SMTN: variants seen among roughly 807,000 people sequenced by gnomAD.
The protein encoded by SMTN is smoothelin.
Under a neutral mutation model 102.0 loss-of-function variants are expected in SMTN, and 58 were observed. The observed-to-expected ratio is 0.57, with a 90% CI of 0.46 to 0.71. The LOEUF is 0.71. Ranked by LOEUF, SMTN falls within the 30% of genes least tolerant of loss-of-function variation. The probability of loss-of-function intolerance (pLI) is 0.00; values close to 1 mark genes in which losing one functional copy is unlikely to be tolerated. For missense variants in SMTN, 1,185 were observed against 1,241.7 expected (o/e 0.95, Z 0.69); for synonymous variants, 478 against 497.9 (o/e 0.96, Z 0.53).
intron 11 of SMTN, 78 bp downstream of exon 11, chr22:31,091,925 G>T (rs2043170522): frequency 3.8e-6 from 5 of 1,325,554 alleles, no homozygotes; most frequent in East Asian, 2.6e-5. Flanking sequence ...GGCTAGCAGG[G>T]TTCCTCTGCT....
intron 2 of SMTN, chr22:31,084,878 GCCGGC>G: frequency 9.3e-7 from 1 of 1,077,358 alleles, no homozygotes; most frequent in Non-Finnish European, 1.2e-6. Flanking sequence ...CGCCCCGCGC[GCCGGC>G]CCGGCCCCCG....
At chr22:31,100,818 T>TC in intron 19 of SMTN, 67 bp from the exon 20 acceptor site, 1 of 782,316 alleles carries the variant, frequency 1.3e-6, no homozygotes. Flanking sequence ...TTCCCTCTCT[T>TC]CCCCACCCGG....
At chr22:31,100,249 G>A (rs1281157169) in intron 19 of SMTN, among the ~76,000 whole-genome samples, 2 of 151,846 alleles carry the variant, frequency 1.3e-5, no homozygotes, top group Admixed American at 6.6e-5. Context: ...CTGCTCCCAC[G>A]GGATCCCGGC....
At position 31,100,930 on chromosome 22, in the gene SMTN, G is replaced by A; in HGVS notation, c.2649G>A (p.Val883=). 1 of 1,611,984 alleles carries A rather than the reference G, an allele frequency of 6.2e-7. No homozygotes were observed. The highest frequency in any genetic ancestry group is 8.5e-7 in the Non-Finnish European group (1 of 1,179,564). The stretch of plus-strand genomic sequence containing the variant: ...AGCTCCTGGATACAGAGGACATGGT[G>A]CGGCTTCGAGAGCCTGACTGGAAGT... ...CPQLLDTEDM[V]RLREPDWKCV... The change falls in exon 20 of 21, where the codon GTG becomes GTA. Residue 883 remains valine (V), a synonymous_variant. Coordinates refer to ENST00000333137, the MANE Select transcript of SMTN (RefSeq NM_134269.3).
chr22:31,074,271 C>G (rs918445277), intron 1 of SMTN, among the ~76,000 whole-genome samples: 2 of 151,908 alleles, frequency 1.3e-5, no homozygotes, highest in Admixed American at 6.6e-5. Context: ...CCCAGCTACT[C>G]GGGAGGCTGA....
chr22:31,083,614 T>C, intron 2 of SMTN: 1 of 271,186 alleles, frequency 3.7e-6, no homozygotes, highest in South Asian at 6.0e-5. Context: ...GATATGCCTC[T>C]CCAGAGCAAT....
chr22:31,088,134 C>A (rs975671908), intron 3 of SMTN, 21 bp downstream of exon 3: 1 of 1,574,710 alleles, frequency 6.4e-7, no homozygotes, highest in African/African-American at 1.3e-5. Flanking sequence ...GGGGGTGGAA[C>A]ATGCGGGTGA....
At chr22:31,080,742 T>C (rs1242431482), upstream of SMTN, 1 of 152,234 alleles carries the variant, frequency 6.6e-6, no homozygotes, top group Non-Finnish European at 1.5e-5. Flanking sequence ...AAGAAGGCAA[T>C]GTCTGTTCAA....
chr22:31,092,413 A>G, intron 11 of SMTN: 1 of 467,624 alleles, frequency 2.1e-6, no homozygotes, highest in Non-Finnish European at 4.5e-6. Flanking sequence ...GCAGCCTAGC[A>G]GGTGCCTTGG....
At chr22:31,069,257 A>G (rs2041939492) in intron 1 of SMTN, among the ~76,000 whole-genome samples, 1 of 152,064 alleles carries the variant, frequency 6.6e-6, no homozygotes, top group Non-Finnish European at 1.5e-5. Flanking sequence ...CAGGATCCTT[A>G]TTGGTCCTTG....
chr22:31,076,379 C>G (rs564897486), upstream of SMTN, among the ~76,000 whole-genome samples: 4 of 152,318 alleles, frequency 2.6e-5, no homozygotes, highest in South Asian at 8.3e-4. Context: ...TCCAGTGAGG[C>G]TTACTGGATC....
At chr22:31,099,309 C>T (rs1043315408) in intron 18 of SMTN, 130 bp downstream of exon 18, 5 of 648,410 alleles carry the variant, frequency 7.7e-6, no homozygotes, top group African/African-American at 7.3e-5. Flanking sequence ...CATGGAAAGG[C>T]TCTTGGGGTG....
chr22:31,089,538 A>T, intron 6 of SMTN, 161 bp from the exon 7 acceptor site: 1 of 657,680 alleles, frequency 1.5e-6, no homozygotes, highest in Non-Finnish European at 2.7e-6. Flanking sequence ...TGCCCTTAGC[A>T]TGCCAGTGCC....
rs2042978404 is a variant in SMTN, at chr22:31,089,813, G to T, written c.586G>T (p.Gly196Trp). The change falls in exon 7 of 21, where the codon GGG (glycine) becomes TGG (tryptophan). Residue 196 changes from glycine to tryptophan, a missense_variant. This residue lies in a region of SMTN where 1,096 missense variants were observed against 1,112.7 expected (regional missense o/e 0.98). Coordinates refer to ENST00000333137, the MANE Select transcript of SMTN (RefSeq NM_134269.3). ...TVTLLLRAPP[G>W]STSSSPASPS... ...GACACTCCTGCTGCGAGCCCCACCT[G>T]GGAGCACATCCAGCTCACCTGCCTC... 6.2e-7 allele frequency: 1 copy of T among 1,613,678 alleles called. No homozygotes were observed.
At chr22:31,104,220 G>A in intron 20 of SMTN, 96 bp from the exon 21 acceptor site, 1 of 1,390,940 alleles carries the variant, frequency 7.2e-7, no homozygotes, top group Non-Finnish European at 9.9e-7. Context: ...TGAAAGACCA[G>A]CAGGCAATGC....
chr22:31,072,492 C>T (rs1445473884), intron 1 of SMTN, among the ~76,000 whole-genome samples: 1 of 152,060 alleles, frequency 6.6e-6, no homozygotes, highest in Non-Finnish European at 1.5e-5. Flanking sequence ...GATGGAATTT[C>T]CCTCTTGTCA....
At chr22:31,075,925 A>G (rs1362528364) in intron 1 of SMTN, among the ~76,000 whole-genome samples, 1 of 152,214 alleles carries the variant, frequency 6.6e-6, no homozygotes, top group Non-Finnish European at 1.5e-5. Context: ...TTGGAGGCCA[A>G]TATGAGACCA....
upstream of SMTN, among the ~76,000 whole-genome samples, chr22:31,078,261 C>A (rs772177728): frequency 6.6e-6 from 1 of 152,176 alleles, no homozygotes; most frequent in Non-Finnish European, 1.5e-5. Context: ...TCTGAAGGAC[C>A]CTGACTGGGT....
In SMTN at chr22:31,091,334, A is replaced by G; in HGVS notation, c.1311A>G (p.Ser437=). The G allele has an allele frequency of 1.2e-6, 2 of 1,606,876 alleles. No homozygotes were observed. The highest frequency in any genetic ancestry group is 2.2e-5 in the South Asian group (2 of 90,680). Residue 437 remains serine, a synonymous_variant, in exon 10 of 21, where the codon TCA becomes TCG. Coordinates refer to ENST00000333137, the MANE Select transcript of SMTN (RefSeq NM_134269.3). ...ENRAGGPVAR[S]EEPGAPLPVA... ...GAGCAGGGGGGCCTGTGGCACGTTC[A>G]GAGGAGCCTGGTGCCCCGCTGCCCG...
Sources: allele counts gnomAD v4.1 joint callset (sites outside exome capture counted in the v4.1 genomes callset), GRCh38; gene constraint gnomAD v4.1.1; regional missense constraint gnomAD v4.1.1; transcripts MANE v1.5; gene names NCBI Gene and HGNC (gene_info 2026-07-23, HGNC 2026-07-21).